Variants in IMMP2L observed in about 807,000 individuals in gnomAD.
IMMP2L encodes the protein inner mitochondrial membrane peptidase subunit 2, also known as mitochondrial inner membrane protease subunit 2.
Under a neutral mutation model 19.3 loss-of-function variants are expected in IMMP2L, and 18 were observed. The observed-to-expected ratio is 0.93, with a 90% confidence interval of 0.64 to 1.38. The LOEUF is 1.38. Among genes scored for constraint, IMMP2L ranks in the 40% most tolerant of loss-of-function variants. The pLI is 0.00. For synonymous variants in IMMP2L, 76 were observed against 73.0 expected (o/e 1.04, Z -0.21); for missense variants, 233 against 218.2 (o/e 1.07, Z -0.43).
intron 5 of IMMP2L, among the ~76,000 whole-genome samples, chr7:110,768,308 GAA>G (rs56248524): frequency 0.15 from 18,673 of 120,790 alleles, 1,504 homozygotes; most frequent in Non-Finnish European, 0.21. Context: ...GAAAAGAAAG[GAA>G]AAAAAAAAAA....
intron 3 of IMMP2L, among the ~76,000 whole-genome samples, chr7:111,281,112 A>C (rs1819667242): frequency 1.6e-5 from 1 of 63,634 alleles, no homozygotes. Context: ...GAAAGAGAGA[A>C]AGAGAGAAAG....
intron 5 of IMMP2L, among the ~76,000 whole-genome samples, chr7:110,764,509 C>CT (rs1798541995): frequency 6.6e-6 from 1 of 152,004 alleles, no homozygotes; most frequent in South Asian, 2.1e-4. Context: ...CAGTATATCA[C>CT]GATTGAGCTT....
chr7:111,474,355 A>G (rs764839296), intron 3 of IMMP2L, among the ~76,000 whole-genome samples: 43 of 152,130 alleles, frequency 2.8e-4, no homozygotes, highest in Admixed American at 6.6e-4. Flanking sequence ...TAAAGTCCAC[A>G]ATATGATAAA....
At chr7:111,033,858 C>T (rs1341135521) in intron 3 of IMMP2L, among the ~76,000 whole-genome samples, 2 of 152,036 alleles carry the variant, frequency 1.3e-5, no homozygotes, top group East Asian at 3.9e-4. Flanking sequence ...AACCCAAAGG[C>T]CCATCAACAG....
intron 1 of IMMP2L, among the ~76,000 whole-genome samples, chr7:111,543,791 T>C (rs927957872): frequency 6.6e-6 from 1 of 152,180 alleles, no homozygotes; most frequent in Non-Finnish European, 1.5e-5. Context: ...TAGCAATCCT[T>C]AAGAATATAC....
At chr7:111,086,216 C>A (rs905015553) in intron 3 of IMMP2L, among the ~76,000 whole-genome samples, 1 of 146,572 alleles carries the variant, frequency 6.8e-6, no homozygotes, top group African/African-American at 2.5e-5. Flanking sequence ...CGCTTGAGAG[C>A]AGGCTGGGCA....
chr7:111,511,418 G>T (rs989977215), intron 2 of IMMP2L, among the ~76,000 whole-genome samples: 1 of 152,044 alleles, frequency 6.6e-6, no homozygotes, highest in Non-Finnish European at 1.5e-5. Flanking sequence ...GCTGAAACGG[G>T]CAGATCGCTT....
At chr7:111,209,409 A>G (rs1416047618) in intron 3 of IMMP2L, among the ~76,000 whole-genome samples, 1 of 151,552 alleles carries the variant, frequency 6.6e-6, no homozygotes. Flanking sequence ...AAAAAAAAAA[A>G]AAAAAAAGTA....
At chr7:110,835,363 C>A (rs893624430) in intron 5 of IMMP2L, among the ~76,000 whole-genome samples, 19 of 152,014 alleles carry the variant, frequency 1.2e-4, no homozygotes, top group African/African-American at 4.3e-4. Flanking sequence ...ACCTAATATG[C>A]GGTATGGCAG....
rs143110013 is a variant in IMMP2L, at chr7:110,944,783, T to C, written c.305+18717A>G. ...TCATATACAAGTGTATGGGTGTTTG[T>C]GTGTGTGTATATGTATGTGTGTACA... On this transcript the variant is annotated intron_variant, in intron 4 of 5. Coordinates refer to ENST00000405709, the MANE Select transcript of IMMP2L (RefSeq NM_032549.4). 8.0e-4 allele frequency among the ~76,000 whole-genome samples: 122 copies of C among 151,992 alleles called. 5 individuals are homozygous for C. In the East Asian group the frequency reaches 0.022, roughly 28 times the overall value.
At chr7:111,464,861 T>A (rs1410629692) in intron 3 of IMMP2L, among the ~76,000 whole-genome samples, 2 of 152,072 alleles carry the variant, frequency 1.3e-5, no homozygotes, top group African/African-American at 4.8e-5. Flanking sequence ...CGACCTCGCC[T>A]CACTGCAAGC....
chr7:111,283,338 C>T (rs1208085669), intron 3 of IMMP2L, among the ~76,000 whole-genome samples: 1 of 152,030 alleles, frequency 6.6e-6, no homozygotes, highest in African/African-American at 2.4e-5. Flanking sequence ...CTAATTCTAC[C>T]TAGGAAAATG....
intron 3 of IMMP2L, among the ~76,000 whole-genome samples, chr7:111,068,230 C>T (rs975904035): frequency 1.1e-4 from 17 of 150,612 alleles, no homozygotes; most frequent in African/African-American, 3.9e-4. Context: ...AGACAGATGG[C>T]TAAATTTATT....
At chr7:110,995,513 T>C (rs796918401) in intron 3 of IMMP2L, among the ~76,000 whole-genome samples, 5 of 152,284 alleles carry the variant, frequency 3.3e-5, no homozygotes, top group African/African-American at 1.2e-4. Flanking sequence ...AGAAGTACAT[T>C]ATTTTTATGG....
At chr7:111,298,683 G>C (rs1013817950) in intron 3 of IMMP2L, among the ~76,000 whole-genome samples, 3 of 151,536 alleles carry the variant, frequency 2.0e-5, no homozygotes, top group Non-Finnish European at 4.4e-5. Context: ...TTGAACCAGG[G>C]AGGCATAGGT....
intron 4 of IMMP2L, among the ~76,000 whole-genome samples, chr7:110,919,944 G>A (rs901084787): frequency 6.6e-6 from 1 of 152,180 alleles, no homozygotes; most frequent in African/African-American, 2.4e-5. Context: ...CAGAAGTTGT[G>A]AAGACTTGGC....
intron 5 of IMMP2L, chr7:110,725,599 T>C (rs1795836802): frequency 2.0e-5 from 3 of 152,190 alleles, no homozygotes; most frequent in Non-Finnish European, 4.4e-5. Context: ...GAACTAACAT[T>C]TGCTGATCAT....
At chr7:110,863,635 GC>G (rs1282371266) in intron 5 of IMMP2L, among the ~76,000 whole-genome samples, 2 of 152,114 alleles carry the variant, frequency 1.3e-5, no homozygotes, top group African/African-American at 4.8e-5. Flanking sequence ...GTCCCAGACA[GC>G]CACATGATCA....
intron 3 of IMMP2L, among the ~76,000 whole-genome samples, chr7:111,161,625 A>C (rs1189556909): frequency 6.6e-6 from 1 of 152,008 alleles, no homozygotes; most frequent in African/African-American, 2.4e-5. Flanking sequence ...CTATCATGGT[A>C]TATTCAAATT....
Sources: gnomAD v4.1 joint callset for allele counts (sites outside exome capture counted in the v4.1 genomes callset) on GRCh38, gnomAD v4.1.1 for gene constraint, MANE v1.5 for transcripts, NCBI Gene and HGNC (gene_info 2026-07-23, HGNC 2026-07-21) for gene names.